Variants in RRAGB observed in about 807,000 individuals in gnomAD.
The protein encoded by RRAGB is Ras related GTP binding B, also known as ras-related GTP-binding protein B.
RRAGB carries 6 observed loss-of-function variants against 29.3 expected under a neutral mutation model. The observed-to-expected ratio is 0.21, with a 90% CI of 0.11 to 0.40. RRAGB has a LOEUF of 0.40. Ranked by LOEUF, RRAGB falls within the 10% of genes least tolerant of loss-of-function variation. The pLI is 1.00. For synonymous variants in RRAGB, 101 were observed against 92.5 expected (o/e 1.09, Z -0.53); for missense variants, 184 against 272.9 (o/e 0.67, Z 2.29).
intron 5 of RRAGB, among the ~76,000 whole-genome samples, chrX:55,741,426 TATAAA>T (rs2034067638): frequency 8.9e-6 from 1 of 111,945 alleles, no homozygotes; most frequent in Non-Finnish European, 1.9e-5. Flanking sequence ...CTAAAATAAA[TATAAA>T]ATAAACAGCA....
intron 5 of RRAGB, among the ~76,000 whole-genome samples, chrX:55,748,164 T>C (rs1170311065): frequency 8.9e-6 from 1 of 112,712 alleles, no homozygotes; most frequent in South Asian, 3.6e-4. Flanking sequence ...TCTCGTTCAC[T>C]CAATGCTCAA....
intron 4 of RRAGB, 77 bp downstream of exon 4, chrX:55,729,437 C>A: frequency 1.7e-6 from 1 of 581,207 alleles, no homozygotes; most frequent in Non-Finnish European, 2.9e-6. Context: ...ATGGCGAATA[C>A]ACCTAGAGTA....
In RRAGB at chrX:55,753,434, C is replaced by T; in HGVS notation, c.655C>T (p.Gln219Ter). ...TTATCAGCTGATTCCCAATGTTCAG[C>T]AGCTGGAAATGAACCTAAGGAATTT... ...IVYQLIPNVQQLEMNLRNFAE... is the reference protein window; with the variant it reads ...IVYQLIPNVQ The change falls in exon 7 of 10, where the codon CAG (glutamine) becomes TAG (stop). Residue 219 changes from glutamine to a stop codon, truncating the protein, a stop_gained. Transcript: ENST00000374941. LOFTEE classifies it high-confidence loss of function. The T allele has an allele frequency of 8.3e-7, 1 of 1,202,402 alleles. No homozygotes were observed. Among genetic ancestry groups the T allele is most frequent in the Non-Finnish European group, 1.1e-6 (1 of 887,777 alleles).
chrX:55,733,931 G>GT (rs144020341), intron 5 of RRAGB, among the ~76,000 whole-genome samples: 12 of 100,147 alleles, frequency 1.2e-4, no homozygotes, highest in African/African-American at 1.1e-4. Flanking sequence ...TGGTCCTGGG[G>GT]TTTTTTTTTT....
chrX:55,751,140 C>T lies in RRAGB; in HGVS notation c.556C>T (p.Arg186Cys), dbSNP rs1206586176. ...AGAAGAAGATTTGAGGCGTTTGTCT[C>T]GCCCATTGGAATGTTCTTGTTTCCG... ...EREEDLRRLS[R>C]PLECSCFRTS... The change falls in exon 6 of 10, where the codon CGC (arginine) becomes TGC (cysteine). Residue 186 changes from arginine to cysteine, a missense_variant. By Grantham distance (180) the Arg-to-Cys change is radical (BLOSUM62 -3). Transcript: ENST00000374941. 2 of 1,200,867 alleles carry T rather than the reference C, an allele frequency of 1.7e-6. No homozygotes were observed. The highest frequency in any genetic ancestry group is 3.6e-5 in the South Asian group (2 of 56,337).
intron 5 of RRAGB, among the ~76,000 whole-genome samples, chrX:55,733,705 T>C (rs1259185605): frequency 1.8e-5 from 2 of 112,499 alleles, no homozygotes; most frequent in African/African-American, 6.5e-5. Flanking sequence ...TTAGGTTTGC[T>C]AATATTTAGT....
At chrX:55,744,970 G>T (rs1306884482) in intron 5 of RRAGB, among the ~76,000 whole-genome samples, 2 of 111,808 alleles carry the variant, frequency 1.8e-5, no homozygotes, top group East Asian at 5.6e-4. Context: ...GCTAGATGTT[G>T]TGCTTCTTTC....
At chrX:55,733,956 T>C (rs1253507835) in intron 5 of RRAGB, among the ~76,000 whole-genome samples, 1 of 109,187 alleles carries the variant, frequency 9.2e-6, no homozygotes, top group Non-Finnish European at 1.9e-5. Context: ...TGGGAAATTT[T>C]GAGTTTTTGT....
At chrX:55,742,182 A>G (rs1380350523) in intron 5 of RRAGB, among the ~76,000 whole-genome samples, 1 of 112,865 alleles carries the variant, frequency 8.9e-6, no homozygotes, top group African/African-American at 3.2e-5. Context: ...TTATATACAT[A>G]TATACATATT....
intron 6 of RRAGB, 40 bp downstream of exon 6, chrX:55,751,236 G>GA (rs773444598): frequency 8.0e-5 from 59 of 738,214 alleles, no homozygotes; most frequent in East Asian, 2.4e-4. Context: ...TTAAGAGCAT[G>GA]AAAAAAAACC....
chrX:55,741,025 A>AT lies in RRAGB; in HGVS notation c.516+9457dup, dbSNP rs143015105. 2.2e-3 allele frequency among the ~76,000 whole-genome samples: 178 copies of AT among 80,823 alleles called. 2 individuals are homozygous for AT. The Middle Eastern group carries it at 0.029, about 13-fold the overall frequency. 70.2% of individuals were successfully genotyped at this position (80,823 alleles called of 115,157 possible). ...TAAGAGAAGACAACACTTCAAAATG[A>AT]TTTTTTTTTTTTTTTTTTGCTCAGC... On this transcript the variant is annotated intron_variant, in intron 5 of 9. Coordinates refer to ENST00000374941, the MANE Select transcript of RRAGB (RefSeq NM_006064.5).
chrX:55,753,635 T>C (rs770206867), intron 7 of RRAGB, 121 bp downstream of exon 7: 2 of 645,819 alleles, frequency 3.1e-6, no homozygotes, highest in Non-Finnish European at 4.5e-6. Flanking sequence ...CTTTAGCATG[T>C]ACAGACTTAT....
At chrX:55,721,631 T>C (rs781676855) in intron 2 of RRAGB, among the ~76,000 whole-genome samples, 8 of 110,069 alleles carry the variant, frequency 7.3e-5, no homozygotes, top group Non-Finnish European at 1.1e-4. Flanking sequence ...TCAAGGAGGG[T>C]CTTATATGTA....
chrX:55,753,516 TAAG>T lies in RRAGB; in HGVS notation c.735+5_735+7del, dbSNP rs1260532614. ...CTTTTTGAGAGAGCTACTTTTCTGG[TAAG>T]AACTTTCTGCTTTGCAGATGTACTT... On this transcript the variant is annotated splice_donor_5th_base_variant and intron_variant, in intron 7 of 9. Transcript: ENST00000374941. The T allele has an allele frequency of 2.5e-6, 3 of 1,187,246 alleles. No homozygotes were observed. The African/African-American group carries it at 5.2e-5, about 21-fold the overall frequency.
At chrX:55,749,341 C>G (rs2034426937) in intron 5 of RRAGB, among the ~76,000 whole-genome samples, 1 of 97,596 alleles carries the variant, frequency 1.0e-5, no homozygotes, top group African/African-American at 3.8e-5. Context: ...GCCCGGCCAG[C>G]CGCCCCATCC....
chrX:55,756,292 T>G (rs981443840), intron 8 of RRAGB, among the ~76,000 whole-genome samples: 2 of 112,433 alleles, frequency 1.8e-5, no homozygotes, highest in African/African-American at 6.5e-5. Flanking sequence ...CTTTAAGTAT[T>G]TACTATTTGA....
chrX:55,741,450 G>A (rs1012865069), intron 5 of RRAGB, among the ~76,000 whole-genome samples: 1 of 111,823 alleles, frequency 8.9e-6, no homozygotes, highest in African/African-American at 3.3e-5. Context: ...CAAGTAATAA[G>A]TCATTAGCAA....
chrX:55,729,406 C>T (rs370308035), intron 4 of RRAGB, 46 bp downstream of exon 4: 35 of 852,475 alleles, frequency 4.1e-5, no homozygotes, highest in Non-Finnish European at 5.4e-5. Context: ...TGTCAGTAAT[C>T]GTGGCATCTA....
intron 5 of RRAGB, among the ~76,000 whole-genome samples, chrX:55,744,469 C>A (rs1249540361): frequency 9.5e-6 from 1 of 105,658 alleles, no homozygotes; most frequent in Non-Finnish European, 1.9e-5. Context: ...CCTACTTGAG[C>A]CTGATCTCAT....
Sources: gnomAD v4.1 joint callset for allele counts (sites outside exome capture counted in the v4.1 genomes callset) on GRCh38, gnomAD v4.1.1 for gene constraint, MANE v1.5 for transcripts, NCBI Gene and HGNC (gene_info 2026-07-23, HGNC 2026-07-21) for gene names.